Variants in SPECC1 observed in about 807,000 individuals in gnomAD.
SPECC1 encodes cytospin-B.
Under a neutral mutation model 104.1 loss-of-function variants are expected in SPECC1, and 62 were observed. The ratio of observed to expected loss-of-function variants is 0.60; its 90% CI spans 0.49 to 0.74. SPECC1 has a LOEUF of 0.74. SPECC1 is among the 30% of genes least tolerant of loss of function. The pLI is 0.00. For synonymous variants in SPECC1, 513 were observed against 501.6 expected, an observed-to-expected ratio of 1.02 and a Z score of -0.30; for missense variants, 1,306 against 1,310.5, an observed-to-expected ratio of 1.00 and a Z score of 0.05.
intron 3 of SPECC1, among the ~76,000 whole-genome samples, chr17:20,142,400 A>G (rs574492382): frequency 6.6e-6 from 1 of 152,236 alleles, no homozygotes; most frequent in African/African-American, 2.4e-5. Flanking sequence ...TGCAATAACT[A>G]AAAGGTGGAA....
chr17:20,085,173 C>T (rs2047128772), intron 1 of SPECC1, among the ~76,000 whole-genome samples: 1 of 152,188 alleles, frequency 6.6e-6, no homozygotes, highest in African/African-American at 2.4e-5. Context: ...TGCAAGACAG[C>T]TGGCAGGAGT....
chr17:20,087,627 T>G (rs906186242), intron 1 of SPECC1, among the ~76,000 whole-genome samples: 4 of 152,062 alleles, frequency 2.6e-5, no homozygotes, highest in African/African-American at 9.7e-5. Flanking sequence ...ATGCATGTTT[T>G]CAGTGAAAGC....
chr17:20,201,004 TC>T (rs2036395534), intron 3 of SPECC1, among the ~76,000 whole-genome samples: 1 of 151,950 alleles, frequency 6.6e-6, no homozygotes, highest in Non-Finnish European at 1.5e-5. Flanking sequence ...TTTTAAAAAT[TC>T]CTAGTAGTAT....
intron 1 of SPECC1, among the ~76,000 whole-genome samples, chr17:20,092,615 T>G (rs1346564731): frequency 6.6e-6 from 1 of 152,178 alleles, no homozygotes; most frequent in Non-Finnish European, 1.5e-5. Flanking sequence ...ACACATTTAA[T>G]TGACCCATCA....
At chr17:20,240,060 ATTTTT>A (rs748689632) in intron 7 of SPECC1, among the ~76,000 whole-genome samples, 483 of 32,134 alleles carry the variant, frequency 0.015, 2 homozygotes, top group African/African-American at 0.063. Flanking sequence ...TGTCCAGCTA[ATTTTT>A]TTTTTTTTTT....
intron 12 of SPECC1, among the ~76,000 whole-genome samples, chr17:20,278,382 C>T (rs1238547467): frequency 6.6e-6 from 1 of 152,146 alleles, no homozygotes; most frequent in African/African-American, 2.4e-5. Flanking sequence ...GAGGCCAGCG[C>T]CCTTGGATGT....
At chr17:20,080,881 G>A (rs980459863) in intron 1 of SPECC1, among the ~76,000 whole-genome samples, 6 of 151,996 alleles carry the variant, frequency 3.9e-5, no homozygotes, top group African/African-American at 1.2e-4. Context: ...ATCAGTGCAG[G>A]GGGGGGTGGT....
At chr17:20,058,837 T>G (rs1273742827) in intron 1 of SPECC1, among the ~76,000 whole-genome samples, 1 of 100,470 alleles carries the variant, frequency 1.0e-5, no homozygotes, top group Non-Finnish European at 2.1e-5. Context: ...CTTTATTTCT[T>G]TTTTTTTTTT....
intron 1 of SPECC1, among the ~76,000 whole-genome samples, chr17:20,054,661 T>A (rs2045894086): frequency 6.6e-6 from 1 of 152,112 alleles, no homozygotes. Flanking sequence ...TTAAAATGTT[T>A]GATATTCTTT....
At chr17:20,305,925 G>A in intron 13 of SPECC1, 98 bp from the exon 14 acceptor site, 1 of 1,055,952 alleles carries the variant, frequency 9.5e-7, no homozygotes, top group Non-Finnish European at 1.4e-6. Context: ...CTTTATAATA[G>A]TGAATAATCT....
At chr17:20,215,794 C>T (rs2037449165) in intron 4 of SPECC1, among the ~76,000 whole-genome samples, 1 of 152,156 alleles carries the variant, frequency 6.6e-6, no homozygotes, top group Non-Finnish European at 1.5e-5. Context: ...AATCTATAAA[C>T]CTAATTCCTT....
In SPECC1 at chr17:20,205,252, G is replaced by A. The variant is rs780767178; in HGVS notation, c.1203G>A (p.Gln401=). 3 of 1,614,168 alleles carry A rather than the reference G, an allele frequency of 1.9e-6. No individual in the cohort carries two copies. The highest frequency in any genetic ancestry group is 2.5e-6 in the Non-Finnish European group (3 of 1,180,052). Residue 401 remains glutamine (Q), a synonymous_variant, in exon 4 of 15, where the codon CAG becomes CAA. Transcript: ENST00000395527. ...CTACTCTACAAGAATTATCAGACCA[G>A]CAACAAATGGTACAGGAATTGACAG... ...LQATLQELSD[Q]QQMVQELTAE... is the part of the protein sequence containing the mutation.
At chr17:20,256,218 G>C (rs1275116848) in intron 10 of SPECC1, among the ~76,000 whole-genome samples, 3 of 152,108 alleles carry the variant, frequency 2.0e-5, no homozygotes, top group African/African-American at 7.2e-5. Context: ...CTGAACTTGA[G>C]ACCACAATAG....
At chr17:20,106,404 A>G (rs1248431088) in intron 2 of SPECC1, among the ~76,000 whole-genome samples, 1 of 152,192 alleles carries the variant, frequency 6.6e-6, no homozygotes, top group Non-Finnish European at 1.5e-5. Context: ...TGGAAAGACC[A>G]TTACAGAGTT....
chr17:20,207,011 G>T (rs1238984076), intron 4 of SPECC1, among the ~76,000 whole-genome samples: 2 of 152,162 alleles, frequency 1.3e-5, no homozygotes, highest in Non-Finnish European at 2.9e-5. Flanking sequence ...GAATTGTGGT[G>T]ATTTTATGAT....
intron 3 of SPECC1, chr17:20,112,479 G>A (rs2048540877): frequency 6.5e-6 from 5 of 764,946 alleles, no homozygotes; most frequent in African/African-American, 1.7e-5. Context: ...GAACTGCGAT[G>A]CCAAGGTTTG....
At chr17:20,116,623 T>C (rs149259904) in intron 3 of SPECC1, among the ~76,000 whole-genome samples, 4 of 152,138 alleles carry the variant, frequency 2.6e-5, no homozygotes, top group African/African-American at 9.6e-5. Context: ...GTACAAGATA[T>C]AAAATGTAAT....
chr17:20,264,341 T>TA (rs761981619), intron 12 of SPECC1, among the ~76,000 whole-genome samples: 4 of 151,936 alleles, frequency 2.6e-5, no homozygotes, highest in Admixed American at 6.6e-5. Flanking sequence ...GTCACCCAGG[T>TA]AGTAAGCATA....
chr17:20,059,584 A>T (rs1334422536), intron 1 of SPECC1, among the ~76,000 whole-genome samples: 1 of 152,034 alleles, frequency 6.6e-6, no homozygotes, highest in African/African-American at 2.4e-5. Context: ...CTATGTAGCA[A>T]CCCCTTTTCT....
Sources: gnomAD v4.1 joint callset for allele counts (sites outside exome capture counted in the v4.1 genomes callset) on GRCh38, gnomAD v4.1.1 for gene constraint, MANE v1.5 for transcripts, NCBI Gene and HGNC (gene_info 2026-07-23, HGNC 2026-07-21) for gene names.